Variants in ANO2 observed in about 807,000 individuals in gnomAD.
The protein encoded by ANO2 is anoctamin 2, also known as anoctamin-2.
A neutral mutation model predicts 124.2 loss-of-function variants in ANO2; 101 were observed. The observed-to-expected ratio is 0.81, with a 90% CI of 0.69 to 0.96. ANO2 has a LOEUF of 0.96. ANO2 is among the 40% of genes least tolerant of loss of function. ANO2 has a pLI of 0.00. For synonymous variants in ANO2, 486 were observed against 482.5 expected, an observed-to-expected ratio of 1.01 and a Z score of -0.09; for missense variants, 1,293 against 1,274.5, an observed-to-expected ratio of 1.01 and a Z score of -0.22.
intron 3 of ANO2, among the ~76,000 whole-genome samples, chr12:5,883,189 C>A (rs11063903): frequency 6.6e-6 from 1 of 152,116 alleles, no homozygotes; most frequent in African/African-American, 2.4e-5. Flanking sequence ...GCCTAGCATG[C>A]TGAAAACTGA....
intron 3 of ANO2, among the ~76,000 whole-genome samples, chr12:5,906,226 C>A (rs1306795858): frequency 1.3e-5 from 2 of 152,006 alleles, no homozygotes; most frequent in African/African-American, 4.8e-5. Flanking sequence ...AACTCAAGCT[C>A]CTGGGCATCT....
At chr12:5,923,248 A>ACACACACGCG (rs1941905793) in intron 1 of ANO2, among the ~76,000 whole-genome samples, 1 of 74,468 alleles carries the variant, frequency 1.3e-5, no homozygotes, top group African/African-American at 5.9e-5. Context: ...ACACACGCAT[A>ACACACACGCG]CACACACATA....
intron 20 of ANO2, among the ~76,000 whole-genome samples, chr12:5,596,441 A>T (rs1366442781): frequency 6.6e-6 from 1 of 152,220 alleles, no homozygotes; most frequent in Non-Finnish European, 1.5e-5. Flanking sequence ...GTTTAAAAAA[A>T]TTAAAAGGTT....
chr12:5,743,113 A>T (rs1217897076), intron 12 of ANO2, among the ~76,000 whole-genome samples: 1 of 150,888 alleles, frequency 6.6e-6, no homozygotes, highest in Non-Finnish European at 1.5e-5. Flanking sequence ...GGAATGGAGG[A>T]AGGTTGTGTT....
At chr12:5,676,834 A>ACT (rs1416480697) in intron 14 of ANO2, among the ~76,000 whole-genome samples, 1 of 152,130 alleles carries the variant, frequency 6.6e-6, no homozygotes, top group East Asian at 1.9e-4. Flanking sequence ...CAGGCAGATC[A>ACT]CTTGAGGTCG....
chr12:5,575,796 C>G (rs765515807), intron 23 of ANO2, 38 bp downstream of exon 23: 1 of 1,596,940 alleles, frequency 6.3e-7, no homozygotes. Flanking sequence ...TCTATTGCTT[C>G]TGGTCCTCTG....
intron 19 of ANO2, among the ~76,000 whole-genome samples, chr12:5,611,153 G>C (rs1016212777): frequency 6.6e-6 from 1 of 151,126 alleles, no homozygotes; most frequent in Non-Finnish European, 1.5e-5. Flanking sequence ...TATTTTTTAA[G>C]AGAGATGGGG....
At chr12:5,617,795 G>A (rs143219176) in intron 16 of ANO2, among the ~76,000 whole-genome samples, 5 of 152,342 alleles carry the variant, frequency 3.3e-5, no homozygotes, top group African/African-American at 7.2e-5. Context: ...TTCCGGAAGC[G>A]TTACTACATG....
rs1946017885 is a variant in ANO2, at chr12:5,636,487, A to G, written c.1621-1140T>C. On this transcript the variant is annotated intron_variant, in intron 15 of 24. Transcript: ENST00000682330. The surrounding 1 kb of genome is among the most constrained non-coding windows in gnomAD (Gnocchi z 4.6). ...ACTCTTTCTGTAAAGGAAGCTGTTCAGGTCCTATTTCCTCCGCAGGACAGA... is the reference window on the plus strand; with the variant it reads ...ACTCTTTCTGTAAAGGAAGCTGTTCGGGTCCTATTTCCTCCGCAGGACAGA... 6.6e-6 allele frequency among the ~76,000 whole-genome samples: 1 copy of G among 152,048 alleles called. No individual in the cohort carries two copies. Among genetic ancestry groups the G allele is most frequent in the African/African-American group, 2.4e-5 (1 of 41,408 alleles).
intron 23 of ANO2, among the ~76,000 whole-genome samples, chr12:5,568,812 T>C (rs990631139): frequency 2.0e-5 from 3 of 152,206 alleles, no homozygotes; most frequent in Admixed American, 2.0e-4. Flanking sequence ...TGTCCAGCAC[T>C]GTCGTTCTCT....
In ANO2 at chr12:5,608,158, C is replaced by G. The variant is rs572260915; in HGVS notation, c.2087+4498G>C. 2.0e-5 allele frequency among the ~76,000 whole-genome samples: 3 copies of G among 152,028 alleles called. No individual in the cohort carries two copies. The South Asian group carries it at 6.3e-4, about 32-fold the overall frequency. On this transcript the variant is annotated intron_variant, in intron 19 of 24. Transcript: ENST00000682330. The stretch of plus-strand genomic sequence containing the variant: ...TCACTGGCAGGCTCAATCATCATTT[C>G]TCTTCTGACTATGAAAGACTTTCTT...
chr12:5,647,369 C>G (rs1187121973), intron 15 of ANO2, among the ~76,000 whole-genome samples: 2 of 152,240 alleles, frequency 1.3e-5, no homozygotes, highest in Non-Finnish European at 2.9e-5. Flanking sequence ...CGAGCCCAAG[C>G]TGGCTATCTC....
chr12:5,770,998 C>G (rs1378570856), intron 10 of ANO2, among the ~76,000 whole-genome samples: 1 of 152,240 alleles, frequency 6.6e-6, no homozygotes, highest in Non-Finnish European at 1.5e-5. Context: ...CCCAACCTCT[C>G]TTCCTGCTTC....
intron 10 of ANO2, among the ~76,000 whole-genome samples, chr12:5,775,522 C>T (rs926578920): frequency 6.9e-6 from 1 of 144,348 alleles, no homozygotes; most frequent in East Asian, 2.0e-4. Flanking sequence ...AGTGCAGTGG[C>T]GCGATCTTGG....
intron 3 of ANO2, among the ~76,000 whole-genome samples, chr12:5,911,498 C>T (rs79542646): frequency 6.6e-6 from 1 of 152,180 alleles, no homozygotes; most frequent in Non-Finnish European, 1.5e-5. Context: ...AACTGTCCCC[C>T]GAGTCTCTCT....
chr12:5,590,605 G>C (rs1288626941), intron 20 of ANO2, among the ~76,000 whole-genome samples: 1 of 152,198 alleles, frequency 6.6e-6, no homozygotes, highest in Non-Finnish European at 1.5e-5. Flanking sequence ...AGAGCCTCCT[G>C]CATCCAGTTC....
chr12:5,857,277 A>G (rs1445003398), intron 3 of ANO2, among the ~76,000 whole-genome samples: 1 of 152,194 alleles, frequency 6.6e-6, no homozygotes, highest in Non-Finnish European at 1.5e-5. Context: ...GGAGCTTCCA[A>G]GTTAGACAGA....
At chr12:5,868,388 T>C (rs533326000) in intron 3 of ANO2, among the ~76,000 whole-genome samples, 3 of 152,234 alleles carry the variant, frequency 2.0e-5, no homozygotes, top group East Asian at 1.9e-4. Context: ...ATATGTAACA[T>C]GATCTCTCTG....
intron 20 of ANO2, among the ~76,000 whole-genome samples, chr12:5,599,081 C>G (rs1229413788): frequency 6.6e-6 from 1 of 152,180 alleles, no homozygotes; most frequent in Non-Finnish European, 1.5e-5. Flanking sequence ...TCATCGGATA[C>G]TTTCCATGAA....
Sources: allele counts gnomAD v4.1 joint callset (sites outside exome capture counted in the v4.1 genomes callset), GRCh38; gene constraint gnomAD v4.1.1; non-coding constraint Gnocchi (gnomAD v3.1); transcripts MANE v1.5; gene names NCBI Gene and HGNC (gene_info 2026-07-23, HGNC 2026-07-21).